TULP4: variants seen among roughly 807,000 people sequenced by gnomAD.
The protein encoded by TULP4 is tubby-related protein 4.
In TULP4, 16 loss-of-function variants were observed where a neutral mutation model predicts 129.0. The ratio of observed to expected loss-of-function variants is 0.12; its 90% CI spans 0.08 to 0.19. TULP4 has a LOEUF of 0.19. Ranked by LOEUF, TULP4 falls within the 10% of genes least tolerant of loss-of-function variation. The pLI, the probability that TULP4 is intolerant of heterozygous loss-of-function variation, is 1.00. For synonymous variants in TULP4, 998 were observed against 854.0 expected, an observed-to-expected ratio of 1.17 and a Z score of -2.94; for missense variants, 1,842 against 2,059.1, an observed-to-expected ratio of 0.89 and a Z score of 2.04.
Position 158,236,813 on chromosome 6 carries a change from T to C in TULP4, n.68+4510T>C, listed in dbSNP as rs1218046503. Among the ~76,000 whole-genome samples the C allele has an allele frequency of 2.1e-3, 238 of 112,118 alleles. 6 individuals carry two copies. Among genetic ancestry groups the C allele is most frequent in the East Asian group, 7.2e-3 (31 of 4,330 alleles). 73.6% of individuals were successfully genotyped at this position (112,118 alleles called of 152,430 possible). A position where few individuals can be genotyped will look rare whatever the true frequency, so the allele number is the denominator to read the frequency against. On this transcript the variant is annotated intron_variant and non_coding_transcript_variant, in intron 1 of 1. Coordinates refer to the TULP4 transcript ENST00000620026. ...TTCTTTTCTTTTTTTTTTTTTTTTT[T>C]TTTTTTTTTTTTTTTTTTGAGATAG...
upstream of TULP4, among the ~76,000 whole-genome samples, chr6:158,309,147 G>A (rs1216684571): frequency 4.8e-4 from 17 of 35,510 alleles, 5 homozygotes; most frequent in Non-Finnish European, 7.8e-4. Context: ...GGCGGCTGCC[G>A]GGCAGAGGGG....
intron 1 of TULP4, among the ~76,000 whole-genome samples, chr6:158,293,468 T>G (rs1778978527): frequency 6.6e-6 from 1 of 152,236 alleles, no homozygotes; most frequent in Non-Finnish European, 1.5e-5. Context: ...GCATAAAAAT[T>G]GGAGTAAAAC....
chr6:158,500,128 C>G (rs1439233579), intron 12 of TULP4, among the ~76,000 whole-genome samples: 1 of 152,188 alleles, frequency 6.6e-6, no homozygotes, highest in African/African-American at 2.4e-5. Flanking sequence ...CAGCCCTCTC[C>G]AAGGTTCAGC....
At chr6:158,486,446 A>T (rs1038029018) in intron 8 of TULP4, among the ~76,000 whole-genome samples, 1 of 152,094 alleles carries the variant, frequency 6.6e-6, no homozygotes, top group Non-Finnish European at 1.5e-5. Context: ...CCAGCTACTC[A>T]GGAGGCTGAG....
At chr6:158,374,363 A>T (rs1044594214) in intron 1 of TULP4, among the ~76,000 whole-genome samples, 2 of 152,122 alleles carry the variant, frequency 1.3e-5, no homozygotes, top group Non-Finnish European at 2.9e-5. Context: ...TATATTGCAA[A>T]TATGGGTGGT....
intron 3 of TULP4, among the ~76,000 whole-genome samples, chr6:158,447,004 T>C (rs1779062724): frequency 6.6e-6 from 1 of 152,120 alleles, no homozygotes; most frequent in South Asian, 2.1e-4. Flanking sequence ...CAGTCCATAA[T>C]AGTCCATCGC....
chr6:158,380,945 A>G (rs372412221), intron 1 of TULP4, among the ~76,000 whole-genome samples: 3 of 151,272 alleles, frequency 2.0e-5, no homozygotes, highest in Non-Finnish European at 4.4e-5. Context: ...TCAAACAGCC[A>G]TCTTTGCCTG....
chr6:158,436,979 A>T (rs1778767876), intron 3 of TULP4, among the ~76,000 whole-genome samples: 1 of 152,186 alleles, frequency 6.6e-6, no homozygotes, highest in African/African-American at 2.4e-5. Flanking sequence ...CACCCTGTGT[A>T]GTCTGTTGTG....
intron 1 of TULP4, among the ~76,000 whole-genome samples, chr6:158,394,566 G>T (rs775430078): frequency 1.3e-4 from 19 of 151,766 alleles, no homozygotes; most frequent in Admixed American, 3.3e-4. Flanking sequence ...GGCAGATCAC[G>T]AAGTCAGGAG....
At chr6:158,366,160 C>G (rs1280827541) in intron 1 of TULP4, among the ~76,000 whole-genome samples, 2 of 152,056 alleles carry the variant, frequency 1.3e-5, no homozygotes, top group African/African-American at 2.4e-5. Context: ...ACCTTGACCT[C>G]CCAAAGTGCT....
rs140773126 is a variant in TULP4, at chr6:158,313,462, A to G, written c.-555A>G. On this transcript the variant is annotated 5_prime_UTR_variant, in exon 1 of 14. Coordinates refer to ENST00000367097, the MANE Select transcript of TULP4 (RefSeq NM_020245.5). ...AGCAGAAATTTGTCTAGTTCAGGAA[A>G]CATGCTAGAGGGTGGCTTCAGAAGG... 2.1e-3 allele frequency: 828 copies of G among 399,522 alleles called. 11 individuals carry two copies. The East Asian group carries it at 0.029, about 14-fold the overall frequency. 24.7% of individuals were successfully genotyped at this position (399,522 alleles called of 1,614,324 possible). A position where few individuals can be genotyped will look rare whatever the true frequency, so the allele number is the denominator to read the frequency against.
chr6:158,455,398 T>C (rs1161001363), intron 5 of TULP4, among the ~76,000 whole-genome samples: 1 of 151,876 alleles, frequency 6.6e-6, no homozygotes, highest in African/African-American at 2.4e-5. Flanking sequence ...AATTATTACC[T>C]AACTAGATAT....
intron 1 of TULP4, among the ~76,000 whole-genome samples, chr6:158,339,115 C>T (rs928350537): frequency 2.6e-5 from 4 of 152,016 alleles, no homozygotes; most frequent in African/African-American, 7.3e-5. Context: ...CCCTAAGTGT[C>T]GGCCAGTCTG....
intron 1 of TULP4, among the ~76,000 whole-genome samples, chr6:158,354,447 C>T (rs1780596247): frequency 6.6e-6 from 1 of 152,100 alleles, no homozygotes. Context: ...CGACTGGTGT[C>T]ACCAAGAACA....
chr6:158,367,429 TAAAG>T (rs1776945601), intron 1 of TULP4, among the ~76,000 whole-genome samples: 1 of 152,162 alleles, frequency 6.6e-6, no homozygotes, highest in Non-Finnish European at 1.5e-5. Flanking sequence ...TGATGTTTAA[TAAAG>T]AACTGCCAAA....
rs1270480930 is a variant in TULP4 at position 158,342,961 on chromosome 6, G to GTGTGTGTGTGTGTGTA, written c.252+28708_252+28709insATGTGTGTGTGTGTGT. 9.4e-3 allele frequency among the ~76,000 whole-genome samples: 335 copies of GTGTGTGTGTGTGTGTA among 35,572 alleles called. 3 individuals carry two copies. The highest frequency in any genetic ancestry group is 0.042 in the African/African-American group (327 of 7,700). 23.3% of individuals were successfully genotyped at this position (35,572 alleles called of 152,430 possible). On this transcript the variant is annotated intron_variant, in intron 1 of 13. Coordinates refer to ENST00000367097, the MANE Select transcript of TULP4 (RefSeq NM_020245.5). ...ATTAAAAATAAATGTGTGTGTGTGT[G>GTGTGTGTGTGTGTGTA]TGTGTGTGTGTGTGTGTGTGTGTGT...
At chr6:158,238,085 G>C in intron 1 of TULP4, 1 of 712,444 alleles carries the variant, frequency 1.4e-6, no homozygotes, top group South Asian at 1.5e-5. Context: ...CTTCTTCATG[G>C]CTACACATGG....
chr6:158,489,254 C>T (rs1780140378), intron 8 of TULP4, among the ~76,000 whole-genome samples: 1 of 152,234 alleles, frequency 6.6e-6, no homozygotes, highest in South Asian at 2.1e-4. Flanking sequence ...CTGTGGCTGC[C>T]TGAAAGTCCG....
At chr6:158,290,929 A>AT (rs1313203475) in intron 1 of TULP4, among the ~76,000 whole-genome samples, 1 of 152,220 alleles carries the variant, frequency 6.6e-6, no homozygotes, top group Non-Finnish European at 1.5e-5. Flanking sequence ...TCGGGCAAGC[A>AT]TTTAACCTGC....
Sources: gnomAD v4.1 joint callset for allele counts (sites outside exome capture counted in the v4.1 genomes callset) on GRCh38, gnomAD v4.1.1 for gene constraint, MANE v1.5 for transcripts, NCBI Gene and HGNC (gene_info 2026-07-23, HGNC 2026-07-21) for gene names.